Variants in ZBTB20 observed in about 807,000 individuals in gnomAD.
The protein encoded by ZBTB20 is zinc finger and BTB domain containing 20.
In ZBTB20, 9 loss-of-function variants were observed where a neutral mutation model predicts 56.9. The ratio of observed to expected loss-of-function variants is 0.16; its 90% confidence interval spans 0.10 to 0.28. The LOEUF (loss-of-function observed/expected upper bound fraction) is 0.28. Among genes scored for constraint, ZBTB20 ranks in the 10% least tolerant of loss-of-function variants. The pLI is 1.00. For synonymous variants in ZBTB20, 417 were observed against 420.7 expected, an observed-to-expected ratio of 0.99 and a Z score of 0.11; for missense variants, 655 against 1,003.0, an observed-to-expected ratio of 0.65 and a Z score of 4.69.
At chr3:114,717,128 T>TA (rs1391710218) in intron 5 of ZBTB20, among the ~76,000 whole-genome samples, 1 of 151,992 alleles carries the variant, frequency 6.6e-6, no homozygotes, top group Non-Finnish European at 1.5e-5. Flanking sequence ...AGCCTTGGTT[T>TA]CCTTTTCCAT....
chr3:114,525,955 A>G (rs1292077317), intron 6 of ZBTB20, among the ~76,000 whole-genome samples: 1 of 152,218 alleles, frequency 6.6e-6, no homozygotes, highest in South Asian at 2.1e-4. Context: ...AATCATTGTC[A>G]TTGCCATTAT....
intron 6 of ZBTB20, among the ~76,000 whole-genome samples, chr3:114,617,939 C>T (rs753020114): frequency 1.4e-5 from 2 of 145,024 alleles, no homozygotes; most frequent in Non-Finnish European, 3.0e-5. Context: ...GACACAAACA[C>T]ACATGTATAC....
intron 3 of ZBTB20, among the ~76,000 whole-genome samples, chr3:114,932,864 C>G (rs891522793): frequency 7.2e-5 from 11 of 152,200 alleles, no homozygotes; most frequent in African/African-American, 2.2e-4. Flanking sequence ...TCTGCACTGA[C>G]CTTGCACCCT....
intron 6 of ZBTB20, among the ~76,000 whole-genome samples, chr3:114,664,036 G>A (rs2060904475): frequency 6.6e-6 from 1 of 152,068 alleles, no homozygotes; most frequent in South Asian, 2.1e-4. Flanking sequence ...AAACCAAGTG[G>A]TTTACCCTGA....
At position 114,787,358 on chromosome 3, in the gene ZBTB20, T is replaced by TATATAA. The variant is rs2070592539; in HGVS notation, c.-343+13742_-343+13743insTTATAT. Among the ~76,000 whole-genome samples, 11 of 85,910 alleles carry TATATAA rather than the reference T, an allele frequency of 1.3e-4. No homozygotes were observed. In the South Asian group the frequency reaches 3.9e-3, roughly 31 times the overall value. 56.4% of individuals were successfully genotyped at this position (85,910 alleles called of 152,430 possible). The stretch of plus-strand genomic sequence containing the variant: ...ATATATATATATATATATATATATA[T>TATATAA]ATATATATATACACACACACACACA... On this transcript the variant is annotated intron_variant, in intron 5 of 11. Transcript: ENST00000675478.
At chr3:114,487,770 C>T (rs1054868920) in intron 7 of ZBTB20, among the ~76,000 whole-genome samples, 12 of 152,222 alleles carry the variant, frequency 7.9e-5, no homozygotes, top group African/African-American at 2.9e-4. Flanking sequence ...CTTTCACTTT[C>T]CCTGAAGTTG....
At chr3:114,560,572 C>T (rs2051882604) in intron 6 of ZBTB20, among the ~76,000 whole-genome samples, 1 of 152,224 alleles carries the variant, frequency 6.6e-6, no homozygotes, top group South Asian at 2.1e-4. Context: ...TTCACCACTA[C>T]ACTTTCCTGT....
intron 2 of ZBTB20, among the ~76,000 whole-genome samples, chr3:115,037,536 C>A (rs556907526): frequency 2.0e-5 from 3 of 152,144 alleles, no homozygotes; most frequent in African/African-American, 7.2e-5. Context: ...CCGCCAGCCT[C>A]GACCTCCCAA....
At chr3:114,704,142 C>A (rs1304600962) in intron 5 of ZBTB20, among the ~76,000 whole-genome samples, 1 of 152,108 alleles carries the variant, frequency 6.6e-6, no homozygotes, top group East Asian at 1.9e-4. Flanking sequence ...TCTTACCTCA[C>A]ACTGAGCCTT....
intron 4 of ZBTB20, among the ~76,000 whole-genome samples, chr3:114,829,865 A>G (rs1029191787): frequency 4.0e-5 from 6 of 151,830 alleles, no homozygotes; most frequent in African/African-American, 1.2e-4. Context: ...GGATCTGTAT[A>G]TCATGTCAAA....
At chr3:115,031,242 T>C (rs2080663956) in intron 2 of ZBTB20, among the ~76,000 whole-genome samples, 1 of 149,426 alleles carries the variant, frequency 6.7e-6, no homozygotes, top group African/African-American at 2.4e-5. Flanking sequence ...GGAGGTAATG[T>C]TAAACCACTT....
At chr3:114,953,899 A>G (rs550654120) in intron 3 of ZBTB20, among the ~76,000 whole-genome samples, 2 of 152,248 alleles carry the variant, frequency 1.3e-5, no homozygotes, top group South Asian at 4.1e-4. Context: ...TATATTCCTT[A>G]CCAAATTTTT....
At chr3:114,569,109 A>G (rs1285064307) in intron 6 of ZBTB20, among the ~76,000 whole-genome samples, 1 of 152,214 alleles carries the variant, frequency 6.6e-6, no homozygotes, top group Non-Finnish European at 1.5e-5. Context: ...GTGAGTTGTT[A>G]ATGGTTAATA....
chr3:114,774,698 C>T (rs2069457991), intron 5 of ZBTB20, among the ~76,000 whole-genome samples: 1 of 152,180 alleles, frequency 6.6e-6, no homozygotes, highest in Non-Finnish European at 1.5e-5. Context: ...AAACCAGGAA[C>T]ATTTAAAAAT....
intron 5 of ZBTB20, among the ~76,000 whole-genome samples, chr3:114,785,577 T>C (rs2070418989): frequency 6.6e-6 from 1 of 152,172 alleles, no homozygotes; most frequent in Non-Finnish European, 1.5e-5. Flanking sequence ...TTGATTGTTA[T>C]TTATTATTAT....
At chr3:114,448,321 G>C (rs1250763693) in intron 7 of ZBTB20, among the ~76,000 whole-genome samples, 1 of 152,028 alleles carries the variant, frequency 6.6e-6, no homozygotes, top group Admixed American at 6.6e-5. Flanking sequence ...TACTGGAGAA[G>C]CTCTTGGCAT....
intron 6 of ZBTB20, among the ~76,000 whole-genome samples, chr3:114,606,843 C>A (rs1166140770): frequency 6.6e-6 from 1 of 152,090 alleles, no homozygotes; most frequent in Non-Finnish European, 1.5e-5. Context: ...CTCTTGTAAT[C>A]CCAGCATTTT....
intron 4 of ZBTB20, among the ~76,000 whole-genome samples, chr3:114,857,524 T>A (rs548381144): frequency 6.6e-6 from 1 of 152,284 alleles, no homozygotes; most frequent in Admixed American, 6.5e-5. Context: ...GTTAAGGAAT[T>A]CTTACTAGCG....
chr3:114,721,028 A>G (rs1218947657), intron 5 of ZBTB20, among the ~76,000 whole-genome samples: 1 of 152,214 alleles, frequency 6.6e-6, no homozygotes, highest in Non-Finnish European at 1.5e-5. Context: ...TGTGAAGGGC[A>G]TGAGAGAAAG....
Sources: allele counts gnomAD v4.1 joint callset (sites outside exome capture counted in the v4.1 genomes callset), GRCh38; gene constraint gnomAD v4.1.1; transcripts MANE v1.5; gene names NCBI Gene and HGNC (gene_info 2026-07-23, HGNC 2026-07-21).